Variants in LHPP observed in about 807,000 individuals in gnomAD.
LHPP encodes the protein hLHPP.
LHPP carries 24 observed loss-of-function variants against 30.3 expected under a neutral mutation model. That is an observed-to-expected ratio of 0.79 (90% confidence interval 0.57 to 1.11). The LOEUF is 1.11. LHPP is among the 50% of genes most tolerant of loss of function. The pLI is 0.00. For missense variants in LHPP, 356 were observed against 367.2 expected (o/e 0.97, Z 0.25); for synonymous variants, 150 against 157.1 (o/e 0.95, Z 0.34).
intron 6 of LHPP, among the ~76,000 whole-genome samples, chr10:124,549,878 G>A (rs1299511380): frequency 6.6e-6 from 1 of 152,272 alleles, no homozygotes; most frequent in African/African-American, 2.4e-5. Flanking sequence ...ATCTGTAAAT[G>A]GGGGTGGCAA....
chr10:124,579,967 G>A (rs1445269007), intron 6 of LHPP, among the ~76,000 whole-genome samples: 1 of 152,182 alleles, frequency 6.6e-6, no homozygotes, highest in Non-Finnish European at 1.5e-5. Context: ...CTTCTCTTAA[G>A]ACTATGATGG....
intron 6 of LHPP, among the ~76,000 whole-genome samples, chr10:124,611,173 A>C (rs1038299206): frequency 2.6e-5 from 4 of 151,228 alleles, no homozygotes; most frequent in Non-Finnish European, 5.9e-5. Flanking sequence ...TGGTACTGGC[A>C]TCTGTAGGTG....
intron 1 of LHPP, among the ~76,000 whole-genome samples, chr10:124,483,593 T>C (rs1257054083): frequency 6.6e-6 from 1 of 151,934 alleles, no homozygotes; most frequent in Non-Finnish European, 1.5e-5. Context: ...CCATCTGTAC[T>C]AAAAATACAA....
At chr10:124,525,722 T>G (rs1440508800) in intron 6 of LHPP, among the ~76,000 whole-genome samples, 1 of 152,216 alleles carries the variant, frequency 6.6e-6, no homozygotes, top group Non-Finnish European at 1.5e-5. Flanking sequence ...TCTGCTGGGT[T>G]TCCTGCCTTC....
At chr10:124,519,226 G>C (rs759979994) in intron 6 of LHPP, among the ~76,000 whole-genome samples, 1 of 152,204 alleles carries the variant, frequency 6.6e-6, no homozygotes, top group African/African-American at 2.4e-5. Context: ...GGGATTATAC[G>C]CGTGAGCCAC....
chr10:124,524,908 G>A (rs1445154346), intron 6 of LHPP, among the ~76,000 whole-genome samples: 1 of 152,226 alleles, frequency 6.6e-6, no homozygotes, highest in Non-Finnish European at 1.5e-5. Flanking sequence ...GTGATGTGAA[G>A]TGAATAAAAT....
chr10:124,610,338 A>AGCGGGTGAGGGAGCGGGTGAGGGTGCTGG (rs1949156908), intron 6 of LHPP, among the ~76,000 whole-genome samples: 3 of 26,050 alleles, frequency 1.2e-4, no homozygotes, highest in South Asian at 1.2e-3. Flanking sequence ...GAGGGTGCTG[A>AGCGGGTGAGGGAGCGGGTGAGGGTGCTGG]TGGAGCGGGT....
intron 6 of LHPP, among the ~76,000 whole-genome samples, chr10:124,547,242 TC>T (rs1165615009): frequency 6.6e-6 from 1 of 152,218 alleles, no homozygotes; most frequent in Non-Finnish European, 1.5e-5. Context: ...TCCAGTTCAT[TC>T]CTGCAGTCCC....
At chr10:124,565,612 C>T (rs1948474327) in intron 6 of LHPP, among the ~76,000 whole-genome samples, 1 of 152,186 alleles carries the variant, frequency 6.6e-6, no homozygotes, top group Admixed American at 6.5e-5. Flanking sequence ...CAGGACGGAG[C>T]CTGACAAGAA....
At chr10:124,562,946 GAA>G (rs71026100) in intron 6 of LHPP, among the ~76,000 whole-genome samples, 44 of 138,654 alleles carry the variant, frequency 3.2e-4, no homozygotes, top group African/African-American at 1.1e-3. Flanking sequence ...AAAAAAAAAA[GAA>G]AAAAAAAAAG....
chr10:124,475,420 A>T (rs1043965504), intron 1 of LHPP, among the ~76,000 whole-genome samples: 6 of 151,290 alleles, frequency 4.0e-5, no homozygotes, highest in Non-Finnish European at 8.9e-5. Context: ...GGGTGCCTGT[A>T]ATCCCAGCTA....
chr10:124,584,363 CA>C (rs71484569), intron 6 of LHPP, among the ~76,000 whole-genome samples: 31,667 of 98,280 alleles, frequency 0.32, 3,280 homozygotes, highest in African/African-American at 0.36. Context: ...GACTCTGTCT[CA>C]AAAAAAAAAA....
rs1427738394 is a variant in LHPP at position 124,576,159 on chromosome 10, C to G, written c.717-37105C>G. On this transcript the variant is annotated intron_variant, in intron 6 of 6. Coordinates refer to ENST00000368842, the MANE Select transcript of LHPP (RefSeq NM_022126.4). The surrounding 1 kb of genome is among the most constrained non-coding windows in gnomAD (Gnocchi z 4.2). ...GGGCTTGATCAGCTGCTGAGGGTGA[C>G]TTCACATGAGATTATAATTGTACTG... Among the ~76,000 whole-genome samples the G allele has an allele frequency of 6.6e-6, 1 of 152,136 alleles. No homozygotes were observed. The highest frequency in any genetic ancestry group is 1.9e-4 in the East Asian group (1 of 5,198).
At chr10:124,534,327 A>G (rs946032667) in intron 6 of LHPP, among the ~76,000 whole-genome samples, 2 of 152,208 alleles carry the variant, frequency 1.3e-5, no homozygotes, top group African/African-American at 4.8e-5. Flanking sequence ...CAGGGCAGGT[A>G]GCTTGTCTTT....
intron 6 of LHPP, among the ~76,000 whole-genome samples, chr10:124,545,437 G>T (rs940933686): frequency 6.6e-6 from 1 of 152,196 alleles, no homozygotes; most frequent in Non-Finnish European, 1.5e-5. Flanking sequence ...CCCTGCAGCG[G>T]TGCCCACGGC....
intron 1 of LHPP, among the ~76,000 whole-genome samples, chr10:124,481,803 G>A (rs1953145372): frequency 6.6e-6 from 1 of 152,162 alleles, no homozygotes; most frequent in Admixed American, 6.5e-5. Context: ...CTGCCTGTGC[G>A]CAAGGTGGGT....
In LHPP at chr10:124,513,772, A is replaced by G. The variant is rs149086355; in HGVS notation, c.625-3408A>G. 1.3e-3 allele frequency among the ~76,000 whole-genome samples: 194 copies of G among 148,984 alleles called. 3 individuals carry two copies. The East Asian group carries it at 0.035, about 27-fold the overall frequency. ...CTCCCAGCTGTTTTTTCTTTAAATT[A>G]CATATATTTATTTATATTAAAAAAA... On this transcript the variant is annotated intron_variant, in intron 5 of 6. Transcript: ENST00000368842.
At chr10:124,530,546 AC>A (rs1564813031) in intron 6 of LHPP, among the ~76,000 whole-genome samples, 156 of 151,434 alleles carry the variant, frequency 1.0e-3, no homozygotes, top group Middle Eastern at 3.4e-3. Flanking sequence ...ACACACACAC[AC>A]ACATATACAT....
At chr10:124,487,938 C>A (rs1449877817) in intron 2 of LHPP, among the ~76,000 whole-genome samples, 1 of 152,090 alleles carries the variant, frequency 6.6e-6, no homozygotes, top group East Asian at 1.9e-4. Context: ...TGAACTGGAC[C>A]TGTGGGGATG....
Sources: gnomAD v4.1 joint callset for allele counts (sites outside exome capture counted in the v4.1 genomes callset) on GRCh38, gnomAD v4.1.1 for gene constraint, Gnocchi (gnomAD v3.1) non-coding constraint, MANE v1.5 for transcripts, NCBI Gene and HGNC (gene_info 2026-07-23, HGNC 2026-07-21) for gene names.